Variants in TESK2 observed in about 807,000 individuals in gnomAD.
The protein encoded by TESK2 is testis associated actin remodelling kinase 2.
TESK2 carries 39 observed loss-of-function variants against 57.1 expected under a neutral mutation model. The ratio of observed to expected loss-of-function variants is 0.68; its 90% CI spans 0.53 to 0.89. The LOEUF is 0.89. TESK2 is among the 40% of genes least tolerant of loss of function. TESK2 has a pLI of 0.00. For missense variants in TESK2, 646 were observed against 732.1 expected (o/e 0.88, Z 1.36); for synonymous variants, 249 against 267.9 (o/e 0.93, Z 0.69).
intron 3 of TESK2, chr1:45,398,983 GAAAAAAAAAAAAA>G (rs372886401): frequency 4.9e-6 from 1 of 203,274 alleles, no homozygotes; most frequent in Non-Finnish European, 8.5e-6. Context: ...ACTAGGACCT[GAAAAAAAAAAAAA>G]AAAAAAAAAA....
intron 4 of TESK2, among the ~76,000 whole-genome samples, chr1:45,373,540 G>C (rs912674624): frequency 6.6e-6 from 1 of 152,116 alleles, no homozygotes; most frequent in South Asian, 2.1e-4. Context: ...ATTTTTTGAA[G>C]TTCACTAAAC....
chr1:45,381,466 T>C (rs115125913), intron 4 of TESK2, among the ~76,000 whole-genome samples: 9 of 152,296 alleles, frequency 5.9e-5, no homozygotes, highest in Non-Finnish European at 1.0e-4. Flanking sequence ...TGGACTGTCA[T>C]ATTCTTGCTA....
chr1:45,445,168 A>G (rs552187364), intron 2 of TESK2, among the ~76,000 whole-genome samples: 1 of 152,204 alleles, frequency 6.6e-6, no homozygotes, highest in African/African-American at 2.4e-5. Context: ...TAACTAACTC[A>G]GTGAAAGAAG....
chr1:45,420,506 C>T (rs1477206532), intron 3 of TESK2, among the ~76,000 whole-genome samples: 1 of 151,886 alleles, frequency 6.6e-6, no homozygotes, highest in African/African-American at 2.4e-5. Flanking sequence ...ATCCACCCAC[C>T]TTGGCCTCCC....
intron 1 of TESK2, among the ~76,000 whole-genome samples, chr1:45,472,382 A>G (rs1344243225): frequency 6.6e-6 from 1 of 150,816 alleles, no homozygotes; most frequent in African/African-American, 2.4e-5. Context: ...ACATGGGGAA[A>G]CCCCACCTCT....
rs368668768 is a variant in TESK2, at chr1:45,345,866, T to C, written c.997+11A>G. The stretch of plus-strand genomic sequence containing the variant: ...TAGGGTTAGGTTGGGCTCCCTGGTC[T>C]AATCTCTTACCCCTGGCTGTGGGCT... On this transcript the variant is annotated intron_variant, in intron 10 of 10. Coordinates refer to ENST00000372086, the MANE Select transcript of TESK2 (RefSeq NM_007170.3). 1.3e-4 allele frequency: 205 copies of C among 1,609,934 alleles called. No individual in the cohort carries two copies. Among genetic ancestry groups the C allele is most frequent in the Admixed American group, 1.3e-4 (8 of 59,978 alleles).
intron 4 of TESK2, among the ~76,000 whole-genome samples, chr1:45,360,766 C>T (rs966115852): frequency 6.6e-6 from 1 of 152,216 alleles, no homozygotes; most frequent in African/African-American, 2.4e-5. Context: ...CTCAATGTTT[C>T]AAGACCTCTG....
intron 4 of TESK2, among the ~76,000 whole-genome samples, chr1:45,375,423 C>CT (rs34730448): frequency 0.075 from 10,145 of 135,486 alleles, 1,238 homozygotes; most frequent in African/African-American, 0.24. Context: ...TTCCTTCACC[C>CT]TTTTTTTTTT....
At chr1:45,390,552 T>G (rs1394224253) in intron 3 of TESK2, among the ~76,000 whole-genome samples, 2 of 151,612 alleles carry the variant, frequency 1.3e-5, no homozygotes, top group Admixed American at 1.3e-4. Context: ...TAAGAATAGG[T>G]TACATTCTCT....
chr1:45,354,797 AAAAAAAAAAAAAAAAAAAATAT>A (rs1570641326), intron 5 of TESK2, among the ~76,000 whole-genome samples: 1 of 62,578 alleles, frequency 1.6e-5, no homozygotes, highest in East Asian at 4.9e-4. Flanking sequence ...AAAAAAAAAA[AAAAAAAAAAAAAAAAAAAATAT>A]ATATATATAT....
chr1:45,358,477 C>CA (rs1339012192), intron 4 of TESK2, among the ~76,000 whole-genome samples: 1 of 150,940 alleles, frequency 6.6e-6, no homozygotes, highest in Non-Finnish European at 1.5e-5. Flanking sequence ...GACCCAGTCT[C>CA]AAAAAAAAGT....
At chr1:45,389,959 T>C (rs1406428988) in intron 3 of TESK2, among the ~76,000 whole-genome samples, 4 of 152,246 alleles carry the variant, frequency 2.6e-5, no homozygotes, top group Non-Finnish European at 5.9e-5. Flanking sequence ...CTCTTTTTCA[T>C]AACCCTTCAA....
At chr1:45,420,150 A>G (rs1650411531) in intron 3 of TESK2, among the ~76,000 whole-genome samples, 1 of 152,224 alleles carries the variant, frequency 6.6e-6, no homozygotes, top group African/African-American at 2.4e-5. Flanking sequence ...ATTTAAAAAT[A>G]TACTGGCCAG....
chr1:45,347,522 A>G, intron 7 of TESK2, 87 bp downstream of exon 7: 2 of 1,293,628 alleles, frequency 1.5e-6, no homozygotes, highest in Admixed American at 3.9e-5. Flanking sequence ...GTGCCACTGC[A>G]TTCCAGCCTG....
At chr1:45,394,720 C>T (rs1649288839) in intron 3 of TESK2, among the ~76,000 whole-genome samples, 1 of 129,168 alleles carries the variant, frequency 7.7e-6, no homozygotes, top group Admixed American at 8.5e-5. Context: ...AAGACAGAGC[C>T]GCACTCTGTT....
At chr1:45,465,520 GAAA>G (rs1652515976) in intron 1 of TESK2, among the ~76,000 whole-genome samples, 2 of 151,756 alleles carry the variant, frequency 1.3e-5, no homozygotes, top group Non-Finnish European at 2.9e-5. Flanking sequence ...AAGAAAGAAA[GAAA>G]AAGAGAAAAA....
At chr1:45,397,159 A>G (rs1557557076) in intron 3 of TESK2, among the ~76,000 whole-genome samples, 1 of 152,140 alleles carries the variant, frequency 6.6e-6, no homozygotes, top group Admixed American at 6.6e-5. Context: ...CTATGCAGGC[A>G]TTGTTCTAAG....
At position 45,476,576 on chromosome 1, in the gene TESK2, G is replaced by A. The variant is rs556857632; in HGVS notation, c.-87+14276C>T. Among the ~76,000 whole-genome samples, 16 of 149,804 alleles carry A rather than the reference G, an allele frequency of 1.1e-4. No individual in the cohort carries two copies. The East Asian group carries it at 2.8e-3, about 26-fold the overall frequency. On this transcript the variant is annotated intron_variant, in intron 1 of 10. Transcript: ENST00000372086. ...AAGAATGAGGTAGCTAGCCAGGCGC[G>A]GTGGCTCACACCTGTAATCCCAGGA...
chr1:45,479,543 T>C (rs1307643357), intron 1 of TESK2, among the ~76,000 whole-genome samples: 1 of 151,976 alleles, frequency 6.6e-6, no homozygotes. Context: ...GCAATTCTCC[T>C]GCCTTACCCT....
Sources: allele counts gnomAD v4.1 joint callset (sites outside exome capture counted in the v4.1 genomes callset), GRCh38; gene constraint gnomAD v4.1.1; transcripts MANE v1.5; gene names NCBI Gene and HGNC (gene_info 2026-07-23, HGNC 2026-07-21).